The following ADGRD2 variants were observed in gnomAD, a reference collection of about 807,000 sequenced individuals.
The protein encoded by ADGRD2 is G protein-coupled receptor PGR24.
In ADGRD2, 71 loss-of-function variants were observed where a neutral mutation model predicts 44.4. The observed-to-expected ratio is 1.60, with a 90% CI of 1.32 to 1.95. The LOEUF is 1.95. ADGRD2 is among the 30% of genes most tolerant of loss of function. The pLI, the probability that ADGRD2 is intolerant of heterozygous loss-of-function variation, is 0.00. For missense variants in ADGRD2, 1,039 were observed against 512.4 expected (o/e 2.03, Z -9.92); for synonymous variants, 481 against 224.8 (o/e 2.14, Z -10.19).
chr9:124,458,481 C>T (rs1248412125), intron 9 of ADGRD2, 135 bp from the exon 13 acceptor site: 3 of 629,536 alleles, frequency 4.8e-6, no homozygotes, highest in Admixed American at 2.6e-5. Context: ...CAAGACTGAA[C>T]CAGGTGCCAC....
intron 16 of ADGRD2, 54 bp from the exon 20 acceptor site, chr9:124,470,440 C>A (rs1050285572): frequency 1.5e-6 from 1 of 687,816 alleles, no homozygotes. Context: ...TGGAGCCCTG[C>A]GGGGAGCTCC....
At chr9:124,450,743 G>T (rs1831451771), upstream of ADGRD2, among the ~76,000 whole-genome samples, 2 of 152,230 alleles carry the variant, frequency 1.3e-5, no homozygotes, top group South Asian at 2.1e-4. Flanking sequence ...TCCAAAACGC[G>T]GGAGCCTCCC....
intron 11 of ADGRD2, 152 bp downstream of exon 14, chr9:124,466,565 G>T (rs1831829015): frequency 4.2e-6 from 2 of 471,840 alleles, no homozygotes; most frequent in Non-Finnish European, 7.7e-6. Flanking sequence ...CATGCCTGTT[G>T]TCCCAGCACT....
intron 21 of ADGRD2, chr9:124,477,038 C>A: frequency 1.7e-6 from 1 of 601,482 alleles, no homozygotes; most frequent in South Asian, 1.5e-5. Flanking sequence ...TTTCTCTGTC[C>A]TCCCCCTCTT....
intron 3 of ADGRD2, 49 bp downstream of exon 6, chr9:124,453,725 C>T (rs1450459660): frequency 1.5e-6 from 1 of 663,862 alleles, no homozygotes. Context: ...GAATCCTTCC[C>T]TTCCGACCCT....
At chr9:124,452,455 G>A in intron 1 of ADGRD2, 55 bp from the exon 5 acceptor site, 1 of 717,432 alleles carries the variant, frequency 1.4e-6, no homozygotes, top group East Asian at 2.7e-5. Context: ...CCCAGCCCTG[G>A]AAGAGTCAGA....
At position 124,455,000 on chromosome 9, in the gene ADGRD2, C is replaced by G; in HGVS notation, c.1268C>G (p.Ala423Gly). 1.4e-6 allele frequency: 1 copy of G among 718,352 alleles called. No homozygotes were observed. Among genetic ancestry groups the G allele is most frequent in the East Asian group, 2.7e-5 (1 of 37,292 alleles). 44.5% of individuals were successfully genotyped at this position (718,352 alleles called of 1,614,324 possible). The change falls in exon 6 of 22, where the codon GCC becomes GGC. Residue 423 changes from alanine (A) to glycine (G), a missense_variant. Transcript: ENST00000334810. The surrounding 1 kb of genome is among the most constrained non-coding windows in gnomAD (Gnocchi z 4.5). ...GTCCGCTTCCTGAAGAGGGTGGTGG[C>G]CCTCGGGGCTGGGGACCCAGAGCTG...
At chr9:124,451,072 A>G, upstream of ADGRD2, 1 of 472,084 alleles carries the variant, frequency 2.1e-6, no homozygotes, top group South Asian at 1.5e-5. Flanking sequence ...AGGTGGTACT[A>G]CTGAGAGACT....
chr9:124,451,247 G>A (rs926515373), upstream of ADGRD2: 1 of 470,658 alleles, frequency 2.1e-6, no homozygotes, highest in South Asian at 1.5e-5. Flanking sequence ...GAACCTTGGC[G>A]GAGAACCTCA....
At chr9:124,452,560 T>C in exon 2 of ADGRD2, 1 of 718,534 alleles carries the variant, frequency 1.4e-6, no homozygotes, top group Admixed American at 2.0e-5. Flanking sequence ...GGTGTGCAAG[T>C]TCTCTGGACA....
chr9:124,458,349 T>C (rs553223903), intron 9 of ADGRD2, 113 bp downstream of exon 12: 1 of 642,002 alleles, frequency 1.6e-6, no homozygotes, highest in Admixed American at 2.4e-5. Context: ...GCCCACCCTT[T>C]CCCACCCCTG....
intron 11 of ADGRD2, 129 bp from the exon 15 acceptor site, chr9:124,467,592 C>T (rs1329057045): frequency 1.6e-6 from 1 of 640,642 alleles, no homozygotes; most frequent in African/African-American, 1.8e-5. Context: ...AGGCCTGGGT[C>T]CTGCTGGCTG....
Position 124,459,092 on chromosome 9 carries a change from A to G in ADGRD2, c.1870+371A>G, listed in dbSNP as rs150617314. Among the ~76,000 whole-genome samples, 455 of 152,348 alleles carry G rather than the reference A, an allele frequency of 3.0e-3. 1 individual carries two copies. Among genetic ancestry groups the G allele is most frequent in the African/African-American group, 0.01 (427 of 41,572 alleles). On this transcript the variant is annotated intron_variant, in intron 10 of 21. Coordinates refer to ENST00000334810, the Ensembl canonical transcript of ADGRD2. ...TCATTCACTGCAGCATGTGCAGTGA[A>G]TTCATTCATTCACTCACTGCAGTGT...
intron 16 of ADGRD2, 75 bp from the exon 20 acceptor site, chr9:124,470,419 G>A: frequency 1.5e-6 from 1 of 664,256 alleles, no homozygotes; most frequent in South Asian, 1.6e-5. Flanking sequence ...ACGTACAGGT[G>A]CTGCTCTCCC....
intron 10 of ADGRD2, among the ~76,000 whole-genome samples, chr9:124,459,939 G>C (rs76004004): frequency 0.015 from 2,250 of 152,194 alleles, 33 homozygotes; most frequent in Middle Eastern, 0.027. Context: ...TAGGGATTGA[G>C]GTATTTCTCT....
intron 10 of ADGRD2, among the ~76,000 whole-genome samples, chr9:124,462,062 TC>T (rs1485921438): frequency 6.6e-6 from 1 of 151,462 alleles, no homozygotes. Context: ...TTGTTCTTTT[TC>T]TTTTCTTTTT....
exon 20 of ADGRD2, chr9:124,476,367 C>G: frequency 1.4e-6 from 1 of 701,792 alleles, no homozygotes; most frequent in South Asian, 1.5e-5. Context: ...GGACCTATGG[C>G]CCTAGAACTC....
rs1431481597 is a variant in ADGRD2 at position 124,454,785 on chromosome 9, C to A, written c.1109-58C>A. On this transcript the variant is annotated intron_variant, in intron 5 of 21. Transcript: ENST00000334810. This position sits in a 1 kb window ranked among gnomAD's most constrained non-coding sequence, Gnocchi z 4.5. ...ACCCTGGCAAAGCCCAAGTGTGGCC[C>A]TTGGGGGGATCCCCTCATAACAACC... is the stretch of plus-strand genomic sequence containing the variant. 4.1e-5 allele frequency: 26 copies of A among 635,182 alleles called. No homozygotes were observed. Among genetic ancestry groups the A allele is most frequent in the Non-Finnish European group, 6.3e-5 (22 of 348,922 alleles). The allele number at this position is 635,182 out of a possible 1,614,324, so 39.3% of individuals were successfully genotyped here. A position where few individuals can be genotyped will look rare whatever the true frequency, so the allele number is the denominator to read the frequency against.
At chr9:124,463,687 A>G (rs1831760043) in intron 10 of ADGRD2, among the ~76,000 whole-genome samples, 1 of 152,194 alleles carries the variant, frequency 6.6e-6, no homozygotes, top group Non-Finnish European at 1.5e-5. Flanking sequence ...CTTTCAAAGA[A>G]TGTGTCCATT....
Sources: allele counts gnomAD v4.1 joint callset (sites outside exome capture counted in the v4.1 genomes callset), GRCh38; gene constraint gnomAD v4.1.1; non-coding constraint Gnocchi (gnomAD v3.1); transcripts MANE v1.5; gene names NCBI Gene and HGNC (gene_info 2026-07-23, HGNC 2026-07-21).